The following ITGAD variants were observed in gnomAD, a reference collection of about 807,000 sequenced individuals.
The protein encoded by ITGAD is integrin alpha-D.
A neutral mutation model predicts 139.0 loss-of-function variants in ITGAD; 105 were observed. The ratio of observed to expected loss-of-function variants is 0.76; its 90% CI spans 0.65 to 0.89. The LOEUF (loss-of-function observed/expected upper bound fraction) is 0.89. Ranked by LOEUF, ITGAD falls within the 40% of genes least tolerant of loss-of-function variation. The pLI, the probability that ITGAD is intolerant of heterozygous loss-of-function variation, is 0.00. For missense variants in ITGAD, 1,384 were observed against 1,487.3 expected (o/e 0.93, Z 1.14); for synonymous variants, 569 against 598.3 (o/e 0.95, Z 0.71).
intron 5 of ITGAD, 62 bp downstream of exon 5, chr16:31,397,971 C>T (rs1485726758): frequency 1.8e-5 from 24 of 1,303,762 alleles, no homozygotes; most frequent in Middle Eastern, 1.8e-4. Flanking sequence ...GGTGAGCAGG[C>T]GTGAGGCCTG....
In ITGAD at chr16:31,402,223, A is replaced by G. The variant is rs1014984201; in HGVS notation, c.536A>G (p.Gln179Arg). 7.3e-7 allele frequency: 1 copy of G among 1,361,272 alleles called. No individual in the cohort carries two copies. The highest frequency in any genetic ancestry group is 2.1e-4 in the Middle Eastern group (1 of 4,794). 84.3% of individuals were successfully genotyped at this position (1,361,272 alleles called of 1,614,324 possible). A position where few individuals can be genotyped will look rare whatever the true frequency, so the allele number is the denominator to read the frequency against. ...MKGFVQAVMG[Q>R]FEGTDTLFAL... ...GGCTTTGTCCAAGCTGTCATGGGCCAGTTTGAGGGCACTGACACCCTGGTG... is the reference window on the plus strand; with the variant it reads ...GGCTTTGTCCAAGCTGTCATGGGCCGGTTTGAGGGCACTGACACCCTGGTG... The change falls in exon 6 of 30, where the codon CAG becomes CGG. Residue 179 changes from glutamine (Q) to arginine (R), a missense_variant. Gln to Arg is a conservative substitution (Grantham distance 43). Coordinates refer to ENST00000389202, the MANE Select transcript of ITGAD (RefSeq NM_005353.3).
At position 31,403,808 on chromosome 16, in the gene ITGAD, T is replaced by C. The variant is rs1366918765; in HGVS notation, c.704+163T>C. 2 of 780,432 alleles carry C rather than the reference T, an allele frequency of 2.6e-6. No homozygotes were observed. The highest frequency in any genetic ancestry group is 4.0e-6 in the Non-Finnish European group (2 of 496,586). 48.3% of individuals were successfully genotyped at this position (780,432 alleles called of 1,614,324 possible). On this transcript the variant is annotated intron_variant, in intron 7 of 29. Coordinates refer to ENST00000389202, the MANE Select transcript of ITGAD (RefSeq NM_005353.3). This position sits in a 1 kb window ranked among gnomAD's most constrained non-coding sequence, Gnocchi z 4.4. ...GAACCTCCCCCCGGGGTGCTCCTGG[T>C]TGCCTCGCTGCCAGTCTCCCTGATA...
At chr16:31,395,068 A>G (rs994984903) in intron 2 of ITGAD, among the ~76,000 whole-genome samples, 1 of 152,166 alleles carries the variant, frequency 6.6e-6, no homozygotes, top group African/African-American at 2.4e-5. Context: ...TATAATCCCA[A>G]CGCTTTGGGA....
chr16:31,414,482 G>C lies in ITGAD; in HGVS notation c.2028G>C (p.Leu676=), dbSNP rs1408947888. 1 of 1,614,060 alleles carries C rather than the reference G, an allele frequency of 6.2e-7. No homozygotes were observed. Among genetic ancestry groups the C allele is most frequent in the African/African-American group, 1.3e-5 (1 of 74,910 alleles). The part of the protein sequence containing the change: ...GDIQSSVRFD[L]ALDPGRLTSR... ...TCCAAAGCTCTGTCAGGTTTGATCT[G>C]GCACTGGACCCAGGTCGTCTGACTT... The change falls in exon 17 of 30, where the codon CTG becomes CTC. Residue 676 remains leucine (L), a synonymous_variant. Coordinates refer to ENST00000389202, the MANE Select transcript of ITGAD (RefSeq NM_005353.3).
Position 31,416,294 on chromosome 16 carries a change from G to C in ITGAD, c.2357+8G>C, listed in dbSNP as rs769501994. 1 of 1,594,918 alleles carries C rather than the reference G, an allele frequency of 6.3e-7. No homozygotes were observed. The highest frequency in any genetic ancestry group is 8.6e-7 in the Non-Finnish European group (1 of 1,168,176). On this transcript the variant is annotated splice_region_variant and intron_variant, in intron 19 of 29. Coordinates refer to ENST00000389202, the MANE Select transcript of ITGAD (RefSeq NM_005353.3). ...CACCCTCAGCTTCTCAGGGTGAGCT[G>C]TAACTCCCTTCATATCCAGACACTC...
Position 31,403,758 on chromosome 16 carries a change from A to C in ITGAD, c.704+113A>C, listed in dbSNP as rs2081467945. 1 of 1,381,640 alleles carries C rather than the reference A, an allele frequency of 7.2e-7. No individual in the cohort carries two copies. The highest frequency in any genetic ancestry group is 1.0e-6 in the Non-Finnish European group (1 of 1,001,778). The allele number at this position is 1,381,640 out of a possible 1,614,324, so 85.6% of individuals were successfully genotyped here. ...GGAGGCTCCAGGGAAAGGGGCTACC[A>C]AGGGGCATGTCGGGGCTGCAGGGAG... is the stretch of plus-strand genomic sequence containing the variant. On this transcript the variant is annotated intron_variant, in intron 7 of 29. Coordinates refer to ENST00000389202, the MANE Select transcript of ITGAD (RefSeq NM_005353.3). The surrounding 1 kb of genome is among the most constrained non-coding windows in gnomAD (Gnocchi z 4.4).
At chr16:31,406,109 C>G (rs1323529469) in intron 7 of ITGAD, among the ~76,000 whole-genome samples, 1 of 151,464 alleles carries the variant, frequency 6.6e-6, no homozygotes, top group Non-Finnish European at 1.5e-5. Context: ...GAGTCTTGCT[C>G]TGTCGCCCAG....
intron 7 of ITGAD, among the ~76,000 whole-genome samples, chr16:31,405,131 C>T (rs74554532): frequency 6.6e-6 from 1 of 151,926 alleles, no homozygotes; most frequent in South Asian, 2.1e-4. Context: ...GACTACAGGC[C>T]CGCACCACCA....
At chr16:31,398,492 A>AT (rs35953711) in intron 5 of ITGAD, among the ~76,000 whole-genome samples, 5,229 of 151,262 alleles carry the variant, frequency 0.035, 299 homozygotes, top group African/African-American at 0.12. Flanking sequence ...CACCCTGCTA[A>AT]TTTTTTTGAG....
chr16:31,395,301 C>T lies in ITGAD; in HGVS notation c.137+960C>T, dbSNP rs572822585. Among the ~76,000 whole-genome samples, 5 of 151,916 alleles carry T rather than the reference C, an allele frequency of 3.3e-5. No homozygotes were observed. In the South Asian group the frequency reaches 1.0e-3, roughly 32 times the overall value. Reference sequence around the variant, plus strand: ...TGCCACTTTACTCCAGCCTAGGTGACAGAGTGAGACTCCGTCAAAAAAAAA... The same window carrying T: ...TGCCACTTTACTCCAGCCTAGGTGATAGAGTGAGACTCCGTCAAAAAAAAA... On this transcript the variant is annotated intron_variant, in intron 2 of 29. Coordinates refer to ENST00000389202, the MANE Select transcript of ITGAD (RefSeq NM_005353.3).
chr16:31,411,465 TCTAC>T lies in ITGAD; in HGVS notation c.1658_1661del (p.Tyr553CysfsTer34). Reference sequence around the variant, plus strand: ...GGAGAGCAGGAGAACCGGGGTGCTGTCTACCTGTTTCACGGAGCCTCAGAATCCG... The same window carrying T: ...GGAGAGCAGGAGAACCGGGGTGCTGTCTGTTTCACGGAGCCTCAGAATCCG... On this transcript the variant is annotated frameshift_variant, in exon 14 of 30. Coordinates refer to ENST00000389202, the MANE Select transcript of ITGAD (RefSeq NM_005353.3). LOFTEE classifies it high-confidence loss of function. 6.2e-7 allele frequency: 1 copy of T among 1,614,104 alleles called. No individual in the cohort carries two copies. Among genetic ancestry groups the T allele is most frequent in the South Asian group, 1.1e-5 (1 of 91,082 alleles).
chr16:31,414,848 G>A lies in ITGAD; in HGVS notation c.2152-12G>A, dbSNP rs1411354556. On this transcript the variant is annotated splice_polypyrimidine_tract_variant and intron_variant, in intron 17 of 29. Transcript: ENST00000389202. Reference sequence around the variant, plus strand: ...GAGGACAGCAGGTTCTTGAAAGCCTGTTCTCTCTCAGGATTGTGTGGAGGA... The same window carrying A: ...GAGGACAGCAGGTTCTTGAAAGCCTATTCTCTCTCAGGATTGTGTGGAGGA... The A allele has an allele frequency of 6.2e-7, 1 of 1,613,546 alleles. No homozygotes were observed. The highest frequency in any genetic ancestry group is 8.5e-7 in the Non-Finnish European group (1 of 1,179,634).
In ITGAD at chr16:31,414,910, A is replaced by C; in HGVS notation, c.2202A>C (p.Ser734=). 1 of 1,613,964 alleles carries C rather than the reference A, an allele frequency of 6.2e-7. No homozygotes were observed. The highest frequency in any genetic ancestry group is 1.1e-5 in the South Asian group (1 of 91,072). The change falls in exon 18 of 30, where the codon TCA becomes TCC. Residue 734 remains serine, a synonymous_variant. Coordinates refer to ENST00000389202, the MANE Select transcript of ITGAD (RefSeq NM_005353.3). ...CCATCATTCTGCACCTCAACTTCTC[A>C]CTGGTGAGAGAGCCCATCCCCTCCC... ...VSPIILHLNF[S]LVREPIPSPQ...
At chr16:31,411,016 C>G in intron 12 of ITGAD, 60 bp from the exon 13 acceptor site, 1 of 1,604,646 alleles carries the variant, frequency 6.2e-7, no homozygotes, top group Non-Finnish European at 8.5e-7. Flanking sequence ...AGGCGGGACC[C>G]TGGCCCACAG....
At chr16:31,402,020 T>G in intron 5 of ITGAD, 95 bp from the exon 6 acceptor site, 1 of 1,401,968 alleles carries the variant, frequency 7.1e-7, no homozygotes, top group Non-Finnish European at 9.7e-7. Context: ...TAGGTGGGGA[T>G]GCCAAGAACA....
chr16:31,424,254 C>A, intron 28 of ITGAD, 51 bp downstream of exon 28: 1 of 1,602,772 alleles, frequency 6.2e-7, no homozygotes, highest in Non-Finnish European at 8.5e-7. Flanking sequence ...ACCCCTAGGG[C>A]TACATCTGTG....
In ITGAD at chr16:31,394,321, G is replaced by A. The variant is rs1438090558; in HGVS notation, c.117G>A (p.Val39=). The part of the protein sequence containing the change: ...QEDAGGFGQS[V]VQFGGSRLVV... ...ATGCAGGCGGCTTTGGGCAGAGCGTGGTGCAGTTCGGTGGATCTCGGTAGG... is the reference window on the plus strand; with the variant it reads ...ATGCAGGCGGCTTTGGGCAGAGCGTAGTGCAGTTCGGTGGATCTCGGTAGG... The change falls in exon 2 of 30, where the codon GTG becomes GTA. Residue 39 remains valine (V), a synonymous_variant. Coordinates refer to ENST00000389202, the MANE Select transcript of ITGAD (RefSeq NM_005353.3). 1 of 1,613,038 alleles carries A rather than the reference G, an allele frequency of 6.2e-7. No homozygotes were observed. Among genetic ancestry groups the A allele is most frequent in the Non-Finnish European group, 8.5e-7 (1 of 1,179,472 alleles).
chr16:31,410,650 G>C, intron 11 of ITGAD, 86 bp from the exon 12 acceptor site: 1 of 1,477,676 alleles, frequency 6.8e-7, no homozygotes. Flanking sequence ...GGGGAGGGGA[G>C]ATGGGGGCTG....
At chr16:31,395,109 G>C (rs997269751) in intron 2 of ITGAD, among the ~76,000 whole-genome samples, 3 of 152,172 alleles carry the variant, frequency 2.0e-5, no homozygotes, top group Admixed American at 2.0e-4. Flanking sequence ...CTGAGGCCAG[G>C]AGTTTGAGAC....
Sources: allele counts gnomAD v4.1 joint callset (sites outside exome capture counted in the v4.1 genomes callset), GRCh38; gene constraint gnomAD v4.1.1; non-coding constraint Gnocchi (gnomAD v3.1); transcripts MANE v1.5; gene names NCBI Gene and HGNC (gene_info 2026-07-23, HGNC 2026-07-21).